The following SENP6 variants were observed in gnomAD, a reference collection of about 807,000 sequenced individuals.
SENP6 encodes sentrin-specific protease 6.
Under a neutral mutation model 134.5 loss-of-function variants are expected in SENP6, and 41 were observed. The observed-to-expected ratio is 0.30, with a 90% CI of 0.24 to 0.40. SENP6 has a LOEUF of 0.40. Ranked by LOEUF, SENP6 falls within the 10% of genes least tolerant of loss-of-function variation. The pLI is 1.00. For missense variants in SENP6, 1,248 were observed against 1,312.5 expected (o/e 0.95, Z 0.76); for synonymous variants, 395 against 429.8 (o/e 0.92, Z 1.00).
At chr6:75,700,514 T>C (rs1774953345) in intron 18 of SENP6, among the ~76,000 whole-genome samples, 1 of 152,058 alleles carries the variant, frequency 6.6e-6, no homozygotes, top group Non-Finnish European at 1.5e-5. Context: ...TGAGATGGGG[T>C]CTCACTCTGT....
At chr6:75,626,146 T>TTG (rs1561978803) in intron 3 of SENP6, among the ~76,000 whole-genome samples, 33 of 133,998 alleles carry the variant, frequency 2.5e-4, no homozygotes, top group East Asian at 7.0e-4. Context: ...TGTTGTTGTT[T>TTG]TTTAATTTTG....
At chr6:75,693,560 A>G (rs1774443730) in intron 16 of SENP6, among the ~76,000 whole-genome samples, 1 of 152,076 alleles carries the variant, frequency 6.6e-6, no homozygotes. Flanking sequence ...TTCAGCAATT[A>G]ATATAAACTG....
In SENP6 at chr6:75,678,574, C is replaced by T. The variant is rs549308938; in HGVS notation, c.1849-9C>T. 6 of 1,304,366 alleles carry T rather than the reference C, an allele frequency of 4.6e-6. No homozygotes were observed. In the Admixed American group the frequency reaches 5.9e-5, roughly 13 times the overall value. 80.8% of individuals were successfully genotyped at this position (1,304,366 alleles called of 1,614,324 possible). A position where few individuals can be genotyped will look rare whatever the true frequency, so the allele number is the denominator to read the frequency against. On this transcript the variant is annotated splice_polypyrimidine_tract_variant and intron_variant, in intron 14 of 23. Transcript: ENST00000447266. ...GACTGTAAATTGCTAATTTAATTTC[C>T]TTTACCAGGTATCATTTGAATCTAA...
At chr6:75,656,090 C>G (rs1228761318) in intron 7 of SENP6, among the ~76,000 whole-genome samples, 1 of 151,846 alleles carries the variant, frequency 6.6e-6, no homozygotes, top group Non-Finnish European at 1.5e-5. Flanking sequence ...TGACGCATGC[C>G]TGTAATCCCA....
chr6:75,636,636 A>G (rs1769537577), intron 5 of SENP6, among the ~76,000 whole-genome samples: 1 of 152,212 alleles, frequency 6.6e-6, no homozygotes, highest in African/African-American at 2.4e-5. Flanking sequence ...AAATACGTGT[A>G]GTAAAAACTA....
chr6:75,633,681 G>A lies in SENP6; in HGVS notation c.308G>A (p.Gly103Asp), dbSNP rs1691358500. The change falls in exon 4 of 24, where the codon GGC (glycine) becomes GAC (aspartate). Residue 103 changes from glycine (G) to aspartate (D), a missense_variant. By Grantham distance (94) the Gly-to-Asp change is moderately conservative. Around this residue, in one of 3 missense-constraint regions of SENP6, gnomAD observed 733 missense variants for 725.4 expected, o/e 1.01. Transcript: ENST00000447266. ...NKSESFKTLK[G>D]NPIGLNMLSN... is the part of the protein sequence containing the mutation. ...TCTGAAAGTTTTAAAACTTTGAAAGGCAACCCAATTGGACTTAACATGTTG... is the reference window on the plus strand; with the variant it reads ...TCTGAAAGTTTTAAAACTTTGAAAGACAACCCAATTGGACTTAACATGTTG... 1 of 1,611,906 alleles carries A rather than the reference G, an allele frequency of 6.2e-7. No homozygotes were observed. The highest frequency in any genetic ancestry group is 1.3e-5 in the African/African-American group (1 of 74,742).
chr6:75,709,569 C>T lies in SENP6; in HGVS notation c.2759C>T (p.Pro920Leu), dbSNP rs764258687. 5 of 1,613,856 alleles carry T rather than the reference C, an allele frequency of 3.1e-6. No individual in the cohort carries two copies. In the Admixed American group the frequency reaches 8.3e-5, roughly 27 times the overall value. ...AGACTAAACTATAGCGATGAATCAC[C>T]TGAAGCTGGTAAAATGCTTGAAGAT... ...KIRLNYSDES[P>L]EAGKMLEDEL... Residue 920 changes from proline (P) to leucine (L), a missense_variant, in exon 20 of 24, where the codon CCT becomes CTT. Pro to Leu is a moderately conservative substitution (Grantham distance 98). Around this residue, in one of 3 missense-constraint regions of SENP6, gnomAD observed 386 missense variants for 395.0 expected, o/e 0.98. Coordinates refer to ENST00000447266, the MANE Select transcript of SENP6 (RefSeq NM_015571.4).
intron 1 of SENP6, among the ~76,000 whole-genome samples, chr6:75,617,749 C>T (rs1038051336): frequency 1.2e-4 from 18 of 152,106 alleles, no homozygotes; most frequent in African/African-American, 3.6e-4. Context: ...CCATTAACAC[C>T]CTTTTCATAT....
At chr6:75,666,169 T>A (rs1251389354) in intron 9 of SENP6, among the ~76,000 whole-genome samples, 1 of 85,966 alleles carries the variant, frequency 1.2e-5, no homozygotes, top group African/African-American at 2.9e-5. Flanking sequence ...GATATATATA[T>A]AAAACGTATA....
intron 1 of SENP6, among the ~76,000 whole-genome samples, chr6:75,612,781 A>G (rs896741349): frequency 6.6e-6 from 1 of 152,148 alleles, no homozygotes; most frequent in African/African-American, 2.4e-5. Context: ...GGACCAAATC[A>G]TTCCATTGCT....
Position 75,695,858 on chromosome 6 carries a change from C to T in SENP6, c.2130C>T (p.Phe710=), listed in dbSNP as rs778236497. 7 of 1,607,156 alleles carry T rather than the reference C, an allele frequency of 4.4e-6. No homozygotes were observed. The highest frequency in any genetic ancestry group is 1.7e-4 in the Middle Eastern group (1 of 5,992). The change falls in exon 17 of 24, where the codon TTC becomes TTT. Residue 710 remains phenylalanine, a synonymous_variant. Coordinates refer to ENST00000447266, the MANE Select transcript of SENP6 (RefSeq NM_015571.4). ...KKEDADRIHI[F]SSFFYKRLNQ... Reference sequence around the variant, plus strand: ...AAGACGCTGACCGAATTCATATATTCAGTTCTTTTTTCTATAAACGCCTTA... The same window carrying T: ...AAGACGCTGACCGAATTCATATATTTAGTTCTTTTTTCTATAAACGCCTTA...
At chr6:75,633,459 C>G in intron 3 of SENP6, 122 bp from the exon 4 acceptor site, 1 of 768,746 alleles carries the variant, frequency 1.3e-6, no homozygotes, top group African/African-American at 1.8e-5. Context: ...CATGCCAATG[C>G]TATCCACCAT....
intron 8 of SENP6, among the ~76,000 whole-genome samples, chr6:75,660,016 T>A (rs1453382286): frequency 6.6e-6 from 1 of 152,240 alleles, no homozygotes; most frequent in Non-Finnish European, 1.5e-5. Flanking sequence ...TTTATGCTTA[T>A]AGAATTGAAT....
chr6:75,633,057 C>T (rs1304170346), intron 3 of SENP6, among the ~76,000 whole-genome samples: 1 of 151,958 alleles, frequency 6.6e-6, no homozygotes, highest in East Asian at 1.9e-4. Flanking sequence ...CTCCTTTTGC[C>T]TGTTATATAC....
chr6:75,681,282 C>T (rs1431881068), intron 16 of SENP6, among the ~76,000 whole-genome samples: 1 of 152,006 alleles, frequency 6.6e-6, no homozygotes, highest in Non-Finnish European at 1.5e-5. Flanking sequence ...TGTGTAGCAC[C>T]TCCCCCTTTG....
chr6:75,670,770 C>G (rs774482928), intron 11 of SENP6, 50 bp downstream of exon 11: 27 of 1,131,610 alleles, frequency 2.4e-5, no homozygotes, highest in Non-Finnish European at 2.8e-5. Context: ...ATTAAAAATT[C>G]CGTTGCTAAA....
intron 7 of SENP6, among the ~76,000 whole-genome samples, chr6:75,658,716 A>G (rs1414356368): frequency 1.3e-5 from 2 of 152,040 alleles, no homozygotes; most frequent in African/African-American, 2.4e-5. Context: ...TACTGTTTGA[A>G]TTCAGATTTT....
chr6:75,659,232 T>C, intron 7 of SENP6, 30 bp from the exon 8 acceptor site: 1 of 1,545,610 alleles, frequency 6.5e-7, no homozygotes, highest in East Asian at 2.3e-5. Flanking sequence ...TAACTAAAAC[T>C]TAAAGTTTAT....
chr6:75,691,892 C>T (rs540426106), intron 16 of SENP6, among the ~76,000 whole-genome samples: 1 of 151,996 alleles, frequency 6.6e-6, no homozygotes, highest in South Asian at 2.1e-4. Flanking sequence ...GTTTCACTCT[C>T]GTTGTCCAGG....
Sources: gnomAD v4.1 joint callset for allele counts (sites outside exome capture counted in the v4.1 genomes callset) on GRCh38, gnomAD v4.1.1 for gene constraint, gnomAD v4.1.1 regional missense constraint, MANE v1.5 for transcripts, NCBI Gene and HGNC (gene_info 2026-07-23, HGNC 2026-07-21) for gene names.